PID1: variants seen among roughly 807,000 people sequenced by gnomAD.
PID1 encodes the protein phosphotyrosine interaction domain containing 1.
Under a neutral mutation model 19.1 loss-of-function variants are expected in PID1, and 10 were observed. The observed-to-expected ratio is 0.52, with a 90% CI of 0.32 to 0.89. PID1 has a LOEUF of 0.89. PID1 is among the 40% of genes least tolerant of loss of function. The pLI is 0.03. For synonymous variants in PID1, 130 were observed against 116.0 expected (o/e 1.12, Z -0.78); for missense variants, 248 against 285.3 (o/e 0.87, Z 0.94).
chr2:229,151,770 A>G (rs1169365067), intron 2 of PID1, among the ~76,000 whole-genome samples: 4 of 151,770 alleles, frequency 2.6e-5, no homozygotes, highest in Non-Finnish European at 4.4e-5. Context: ...TGGGTTTTCA[A>G]CGTGTTAGCC....
chr2:229,115,996 A>G (rs1400220114), intron 2 of PID1, among the ~76,000 whole-genome samples: 1 of 152,156 alleles, frequency 6.6e-6, no homozygotes, highest in African/African-American at 2.4e-5. Context: ...CGAAGTGGGC[A>G]GATCACGAGT....
At chr2:229,185,136 TTC>T (rs1418021020) in intron 1 of PID1, among the ~76,000 whole-genome samples, 1 of 150,096 alleles carries the variant, frequency 6.7e-6, no homozygotes, top group Non-Finnish European at 1.5e-5. Flanking sequence ...ATTCTATTGG[TTC>T]TGTTTTCCCA....
chr2:229,184,973 T>C (rs530072744), intron 1 of PID1, among the ~76,000 whole-genome samples: 2 of 32,208 alleles, frequency 6.2e-5, no homozygotes, highest in African/African-American at 3.8e-4. Context: ...ATATATATAC[T>C]ATATATATAC....
intron 1 of PID1, among the ~76,000 whole-genome samples, chr2:229,175,786 C>T (rs1055912285): frequency 2.0e-5 from 3 of 152,220 alleles, no homozygotes; most frequent in African/African-American, 7.2e-5. Flanking sequence ...TAAACAAACT[C>T]TCTTTTGCTG....
intron 2 of PID1, among the ~76,000 whole-genome samples, chr2:229,050,129 T>C (rs1693964350): frequency 6.6e-6 from 1 of 152,202 alleles, no homozygotes; most frequent in Non-Finnish European, 1.5e-5. Context: ...GTTATCTTTC[T>C]GCGAATCTCA....
intron 2 of PID1, among the ~76,000 whole-genome samples, chr2:229,111,672 CAAT>C (rs1186567075): frequency 2.0e-5 from 3 of 152,082 alleles, no homozygotes; most frequent in African/African-American, 7.2e-5. Flanking sequence ...GCCCCTGAAA[CAAT>C]AAAAACAATT....
intron 2 of PID1, among the ~76,000 whole-genome samples, chr2:229,111,367 T>C (rs1469543375): frequency 6.6e-6 from 1 of 152,192 alleles, no homozygotes; most frequent in African/African-American, 2.4e-5. Context: ...CTGAGGAATG[T>C]CCTGTACATC....
intron 1 of PID1, among the ~76,000 whole-genome samples, chr2:229,156,783 C>T (rs1678415231): frequency 6.6e-6 from 1 of 152,142 alleles, no homozygotes; most frequent in Non-Finnish European, 1.5e-5. Flanking sequence ...ATTCCAAGTT[C>T]TTACCTTGGC....
chr2:229,222,590 T>C (rs1203820883), intron 1 of PID1, among the ~76,000 whole-genome samples: 1 of 152,108 alleles, frequency 6.6e-6, no homozygotes, highest in Non-Finnish European at 1.5e-5. Flanking sequence ...ATGAGACTAA[T>C]ATTAGAGTCA....
chr2:229,164,844 C>A (rs1690566563), intron 1 of PID1, among the ~76,000 whole-genome samples: 1 of 152,134 alleles, frequency 6.6e-6, no homozygotes, highest in African/African-American at 2.4e-5. Context: ...AGATGAAAGC[C>A]TGGGGGGACA....
At chr2:229,064,069 T>G (rs1419510887) in intron 2 of PID1, among the ~76,000 whole-genome samples, 3 of 151,962 alleles carry the variant, frequency 2.0e-5, no homozygotes, top group Non-Finnish European at 4.4e-5. Flanking sequence ...GGAGAAGAAA[T>G]ATGAGTGTGT....
chr2:229,091,156 T>A (rs12617076), intron 2 of PID1, among the ~76,000 whole-genome samples: 94,082 of 151,984 alleles, frequency 0.62, 31,875 homozygotes, highest in Non-Finnish European at 0.76. Flanking sequence ...TGCATAATAC[T>A]ATTATGCAAA....
At chr2:229,235,306 C>G (rs1473331629) in intron 1 of PID1, among the ~76,000 whole-genome samples, 1 of 152,150 alleles carries the variant, frequency 6.6e-6, no homozygotes. Context: ...GAGCCTGAGG[C>G]AGAGCAGAGG....
At chr2:229,124,779 A>G (rs1695588867) in intron 2 of PID1, among the ~76,000 whole-genome samples, 1 of 152,212 alleles carries the variant, frequency 6.6e-6, no homozygotes, top group Admixed American at 6.5e-5. Flanking sequence ...ATATTGTGCT[A>G]GTTTGTAACA....
intron 2 of PID1, among the ~76,000 whole-genome samples, chr2:229,055,619 T>C (rs17613824): frequency 0.3 from 45,338 of 152,124 alleles, 7,635 homozygotes; most frequent in East Asian, 0.52. Flanking sequence ...GTTCTCTGTA[T>C]CTATAATATG....
intron 2 of PID1, among the ~76,000 whole-genome samples, chr2:229,101,752 C>T (rs1020237678): frequency 2.6e-5 from 4 of 152,304 alleles, no homozygotes; most frequent in Middle Eastern, 3.4e-3. Flanking sequence ...AGATCACCAG[C>T]TTCAATTGCC....
At chr2:229,268,088 CA>C (rs1690639348) in intron 1 of PID1, among the ~76,000 whole-genome samples, 1 of 152,152 alleles carries the variant, frequency 6.6e-6, no homozygotes, top group Non-Finnish European at 1.5e-5. Context: ...GAGTGGGATG[CA>C]ATAGAAGTTT....
intron 1 of PID1, among the ~76,000 whole-genome samples, chr2:229,170,749 G>A (rs2106209362): frequency 6.6e-6 from 1 of 152,286 alleles, no homozygotes; most frequent in Non-Finnish European, 1.5e-5. Context: ...AGTCTTTGAT[G>A]CACGCACGCA....
chr2:229,040,692 GA>G (rs1693754079), intron 2 of PID1, among the ~76,000 whole-genome samples: 1 of 151,876 alleles, frequency 6.6e-6, no homozygotes, highest in Non-Finnish European at 1.5e-5. Flanking sequence ...GTGAAGAGAG[GA>G]AAAAACAAGC....
Sources: gnomAD v4.1 joint callset for allele counts (sites outside exome capture counted in the v4.1 genomes callset) on GRCh38, gnomAD v4.1.1 for gene constraint, MANE v1.5 for transcripts, NCBI Gene and HGNC (gene_info 2026-07-23, HGNC 2026-07-21) for gene names.